ADAMTSL1: variants seen among roughly 807,000 people sequenced by gnomAD.
The protein encoded by ADAMTSL1 is ADAMTS-like protein 1.
A neutral mutation model predicts 201.8 loss-of-function variants in ADAMTSL1; 126 were observed. The observed-to-expected ratio is 0.62, with a 90% CI of 0.54 to 0.72. The LOEUF (loss-of-function observed/expected upper bound fraction) is 0.72, where lower values mean the gene tolerates loss of function less well. Among genes scored for constraint, ADAMTSL1 ranks in the 30% least tolerant of loss-of-function variants. The pLI is 0.00. For missense variants in ADAMTSL1, 2,679 were observed against 2,277.8 expected (o/e 1.18, Z -3.59); for synonymous variants, 1,121 against 903.4 (o/e 1.24, Z -4.32).
intron 1 of ADAMTSL1, among the ~76,000 whole-genome samples, chr9:18,034,744 G>T (rs999927555): frequency 4.0e-4 from 61 of 151,940 alleles, no homozygotes; most frequent in African/African-American, 1.5e-3. Flanking sequence ...TTGAACTACT[G>T]CTACCAAGAT....
At chr9:18,186,278 A>G (rs1587262155) in intron 2 of ADAMTSL1, among the ~76,000 whole-genome samples, 1 of 152,168 alleles carries the variant, frequency 6.6e-6, no homozygotes, top group East Asian at 1.9e-4. Flanking sequence ...AACAACTACT[A>G]TTGAGTTCTT....
chr9:18,804,056 C>T (rs1157862640), intron 20 of ADAMTSL1, among the ~76,000 whole-genome samples: 1 of 152,128 alleles, frequency 6.6e-6, no homozygotes, highest in Non-Finnish European at 1.5e-5. Context: ...ACCTCTTTCC[C>T]GTTATAAACA....
At chr9:17,975,883 G>A (rs1417199381) in intron 1 of ADAMTSL1, among the ~76,000 whole-genome samples, 1 of 151,938 alleles carries the variant, frequency 6.6e-6, no homozygotes, top group Non-Finnish European at 1.5e-5. Flanking sequence ...TATCTATTTA[G>A]AGTTGATTTC....
intron 1 of ADAMTSL1, among the ~76,000 whole-genome samples, chr9:18,002,813 A>G (rs541269534): frequency 3.9e-5 from 6 of 152,186 alleles, no homozygotes; most frequent in African/African-American, 1.4e-4. Context: ...AAAGGAAGTC[A>G]AAGTACAAGA....
chr9:18,680,436 A>C lies in ADAMTSL1; in HGVS notation c.1261A>C (p.Met421Leu). Residue 421 changes from methionine (M) to leucine (L), a missense_variant, in exon 11 of 29, where the codon ATG (methionine) becomes CTG (leucine). By Grantham distance (15) the Met-to-Leu change is conservative. Transcript: ENST00000380548. ...HVTSVEEWKC[M>L]YTPKMPIAQP... ...CACTTCAGTGGAAGAGTGGAAATGC[A>C]TGTACACCCCTAAGATGCCCATCGC... is the stretch of plus-strand genomic sequence containing the variant. 1 of 1,614,160 alleles carries C rather than the reference A, an allele frequency of 6.2e-7. No homozygotes were observed. The highest frequency in any genetic ancestry group is 8.5e-7 in the Non-Finnish European group (1 of 1,180,022).
rs72684923 is a variant in ADAMTSL1 at position 18,220,195 on chromosome 9, G to T, written c.207+56214G>T. 5.0e-3 allele frequency among the ~76,000 whole-genome samples: 755 copies of T among 152,100 alleles called. 4 individuals are homozygous for T. The highest frequency in any genetic ancestry group is 6.5e-3 in the Non-Finnish European group (440 of 67,968). ...TCACCTGCTTCATTGATCAGTTTTG[G>T]TTTAGATATGATCCAGTTTTCCATT... On this transcript the variant is annotated intron_variant, in intron 2 of 29. Coordinates refer to the ADAMTSL1 transcript ENST00000680146.
intron 2 of ADAMTSL1, among the ~76,000 whole-genome samples, chr9:18,168,289 C>T (rs1016968581): frequency 2.6e-5 from 4 of 152,062 alleles, no homozygotes; most frequent in African/African-American, 9.7e-5. Context: ...CCCAACCCCA[C>T]AAGGGTCCCT....
At chr9:17,962,820 C>T (rs751366037) in intron 1 of ADAMTSL1, among the ~76,000 whole-genome samples, 1 of 152,246 alleles carries the variant, frequency 6.6e-6, no homozygotes, top group Non-Finnish European at 1.5e-5. Context: ...CAACTTTGCA[C>T]AGCGTGCAGT....
At chr9:18,501,409 G>A (rs992971804) in intron 1 of ADAMTSL1, among the ~76,000 whole-genome samples, 1 of 151,344 alleles carries the variant, frequency 6.6e-6, no homozygotes, top group African/African-American at 2.4e-5. Flanking sequence ...TACTCAAGAG[G>A]CTGAGGCAGG....
intron 2 of ADAMTSL1, among the ~76,000 whole-genome samples, chr9:18,527,924 C>G (rs974277818): frequency 2.0e-5 from 3 of 152,152 alleles, no homozygotes; most frequent in Non-Finnish European, 2.9e-5. Flanking sequence ...GTCGCCCAGG[C>G]TGGAATGCAA....
At chr9:18,461,845 A>G (rs1485298893) in intron 2 of ADAMTSL1, among the ~76,000 whole-genome samples, 1 of 152,178 alleles carries the variant, frequency 6.6e-6, no homozygotes, top group Non-Finnish European at 1.5e-5. Context: ...TTTGACATAC[A>G]TGGGGGAGAT....
chr9:18,002,937 A>T (rs186163306), intron 1 of ADAMTSL1, among the ~76,000 whole-genome samples: 4 of 152,114 alleles, frequency 2.6e-5, no homozygotes, highest in Admixed American at 1.3e-4. Flanking sequence ...GTGACTGCGG[A>T]CCCACTGCCA....
chr9:18,227,488 A>G (rs930453805), intron 2 of ADAMTSL1, among the ~76,000 whole-genome samples: 2 of 152,112 alleles, frequency 1.3e-5, no homozygotes, highest in Admixed American at 1.3e-4. Context: ...ATTCATTTAC[A>G]CTCAAACAGT....
At chr9:18,306,296 A>G (rs556941775) in intron 2 of ADAMTSL1, among the ~76,000 whole-genome samples, 57 of 152,308 alleles carry the variant, frequency 3.7e-4, no homozygotes, top group African/African-American at 1.3e-3. Context: ...CCTCCAAAGG[A>G]TCACAACTCC....
At chr9:18,734,961 T>C (rs1034466137) in intron 15 of ADAMTSL1, among the ~76,000 whole-genome samples, 1 of 152,184 alleles carries the variant, frequency 6.6e-6, no homozygotes, top group Non-Finnish European at 1.5e-5. Context: ...TGATAGATTT[T>C]TGTCCTGTAA....
At position 18,657,042 on chromosome 9, in the gene ADAMTSL1, T is replaced by G. The variant is rs375667384; in HGVS notation, c.835-597T>G. Among the ~76,000 whole-genome samples, 11 of 152,360 alleles carry G rather than the reference T, an allele frequency of 7.2e-5. No homozygotes were observed. In the East Asian group the frequency reaches 1.9e-3, roughly 27 times the overall value. ...TTATGACATAAATTTGTGTTTTCAG[T>G]TTGATTCTTAAACCATCAACATTTG... On this transcript the variant is annotated intron_variant, in intron 7 of 28. Transcript: ENST00000380548.
At chr9:18,242,139 A>T (rs1831090486) in intron 2 of ADAMTSL1, among the ~76,000 whole-genome samples, 1 of 152,112 alleles carries the variant, frequency 6.6e-6, no homozygotes, top group South Asian at 2.1e-4. Flanking sequence ...AAAGTCAACA[A>T]CACATCAAAA....
intron 7 of ADAMTSL1, among the ~76,000 whole-genome samples, chr9:18,642,794 T>C (rs1411224872): frequency 2.0e-5 from 3 of 152,078 alleles, no homozygotes; most frequent in African/African-American, 7.2e-5. Context: ...TAGTATTCCA[T>C]TGTGCATACA....
chr9:18,468,734 T>C (rs1469386777), intron 2 of ADAMTSL1, among the ~76,000 whole-genome samples: 1 of 152,200 alleles, frequency 6.6e-6, no homozygotes, highest in East Asian at 1.9e-4. Flanking sequence ...CTTCCCATGG[T>C]ACCAAACAGC....
Sources: gnomAD v4.1 joint callset for allele counts (sites outside exome capture counted in the v4.1 genomes callset) on GRCh38, gnomAD v4.1.1 for gene constraint, MANE v1.5 for transcripts, NCBI Gene and HGNC (gene_info 2026-07-23, HGNC 2026-07-21) for gene names.